SMURF1: variants seen among roughly 807,000 people sequenced by gnomAD.
SMURF1 encodes the protein E3 ubiquitin-protein ligase SMURF1.
Under a neutral mutation model 98.0 loss-of-function variants are expected in SMURF1, and 44 were observed. The observed-to-expected ratio is 0.45, with a 90% CI of 0.35 to 0.58. The LOEUF (loss-of-function observed/expected upper bound fraction) is 0.58. Among genes scored for constraint, SMURF1 ranks in the 20% least tolerant of loss-of-function variants. The pLI, the probability that SMURF1 is intolerant of heterozygous loss-of-function variation, is 0.00. For synonymous variants in SMURF1, 396 were observed against 374.9 expected (o/e 1.06, Z -0.65); for missense variants, 687 against 938.4 (o/e 0.73, Z 3.50).
Position 99,093,667 on chromosome 7 carries a change from T to A in SMURF1, c.56-31830A>T, listed in dbSNP as rs1419581606. The stretch of plus-strand genomic sequence containing the variant: ...TAAGAATAGTTTATGACTACTTTCC[T>A]CCTTGTATAAAGAGTTTCTCTTTAA... On this transcript the variant is annotated intron_variant, in intron 1 of 17. Transcript: ENST00000361368. 3.3e-5 allele frequency among the ~76,000 whole-genome samples: 5 copies of A among 152,114 alleles called. No individual in the cohort carries two copies. In the East Asian group the frequency reaches 9.6e-4, roughly 29 times the overall value.
intron 9 of SMURF1, 38 bp from the exon 10 acceptor site, chr7:99,047,920 C>A: frequency 1.2e-6 from 2 of 1,602,972 alleles, no homozygotes; most frequent in Non-Finnish European, 1.7e-6. Flanking sequence ...CTCCGAAGCC[C>A]CGGCCAGGGG....
chr7:99,091,454 G>A (rs779194964), intron 1 of SMURF1, among the ~76,000 whole-genome samples: 3 of 152,086 alleles, frequency 2.0e-5, no homozygotes, highest in Non-Finnish European at 2.9e-5. Context: ...TCTCTCTCAG[G>A]GTCTGGGCAT....
intron 1 of SMURF1, among the ~76,000 whole-genome samples, chr7:99,089,340 T>A (rs1218040355): frequency 6.6e-6 from 1 of 151,736 alleles, no homozygotes; most frequent in African/African-American, 2.4e-5. Context: ...ACAGTTTTTT[T>A]ATTTTAAAAA....
chr7:99,088,984 T>A (rs566652119), intron 1 of SMURF1, among the ~76,000 whole-genome samples: 26 of 152,200 alleles, frequency 1.7e-4, no homozygotes, highest in African/African-American at 5.8e-4. Flanking sequence ...GGCGGGCAGA[T>A]CACAAGGTCA....
chr7:99,139,705 T>G (rs2150656642), intron 1 of SMURF1, among the ~76,000 whole-genome samples: 1 of 152,348 alleles, frequency 6.6e-6, no homozygotes, highest in East Asian at 1.9e-4. Context: ...CACTTGATTC[T>G]GGATATATTA....
Position 99,060,591 on chromosome 7 carries a change from C to G in SMURF1, c.203+8G>C. 6.2e-7 allele frequency: 1 copy of G among 1,607,026 alleles called. No individual in the cohort carries two copies. The highest frequency in any genetic ancestry group is 8.5e-7 in the Non-Finnish European group (1 of 1,174,834). On this transcript the variant is annotated splice_region_variant and intron_variant, in intron 3 of 17. Transcript: ENST00000361368. ...CTCCGCATGGGGCTTACAGAACATTCAACTCACAGATCATAGTGCTGGTTC... is the reference window on the plus strand; with the variant it reads ...CTCCGCATGGGGCTTACAGAACATTGAACTCACAGATCATAGTGCTGGTTC...
chr7:99,094,047 C>T (rs574391306), intron 1 of SMURF1, among the ~76,000 whole-genome samples: 24 of 152,090 alleles, frequency 1.6e-4, no homozygotes, highest in African/African-American at 5.3e-4. Flanking sequence ...TGTGTGTGTG[C>T]GTGATGTGTG....
intron 15 of SMURF1, 48 bp downstream of exon 15, chr7:99,037,019 G>A (rs917172330): frequency 3.1e-6 from 5 of 1,611,236 alleles, no homozygotes; most frequent in South Asian, 1.1e-5. Context: ...ACAGGCAGAC[G>A]CCAGCCACAG....
At chr7:99,059,313 G>T (rs994917549) in intron 3 of SMURF1, among the ~76,000 whole-genome samples, 3 of 146,318 alleles carry the variant, frequency 2.1e-5, no homozygotes, top group African/African-American at 7.5e-5. Context: ...CAGGAGAATG[G>T]CGTGAACCCG....
intron 1 of SMURF1, among the ~76,000 whole-genome samples, chr7:99,085,438 G>A (rs1293388212): frequency 1.3e-5 from 2 of 151,664 alleles, no homozygotes; most frequent in Admixed American, 1.3e-4. Flanking sequence ...CATGCTTCCT[G>A]TACAGCCTGT....
At position 99,054,775 on chromosome 7, in the gene SMURF1, T is replaced by C; in HGVS notation, c.479+15A>G. ...GCAGAGAACTCAGCCCGCCTCTTGC[T>C]GTGGTTATACGTACCCTTCATTTTC... On this transcript the variant is annotated intron_variant, in intron 6 of 17. Coordinates refer to ENST00000361368, the MANE Select transcript of SMURF1 (RefSeq NM_181349.3). 6.2e-7 allele frequency: 1 copy of C among 1,613,518 alleles called. No individual in the cohort carries two copies.
At chr7:99,113,868 A>G (rs1417393212) in intron 1 of SMURF1, among the ~76,000 whole-genome samples, 1 of 148,864 alleles carries the variant, frequency 6.7e-6, no homozygotes, top group East Asian at 2.0e-4. Context: ...AAAAAAAAGA[A>G]CATTAGACAG....
At chr7:99,095,444 G>A (rs1275486764) in intron 1 of SMURF1, among the ~76,000 whole-genome samples, 1 of 152,164 alleles carries the variant, frequency 6.6e-6, no homozygotes, top group Non-Finnish European at 1.5e-5. Flanking sequence ...GCCTGCTTGG[G>A]TGGTCCAGAT....
chr7:99,134,463 A>T, intron 1 of SMURF1, among the ~76,000 whole-genome samples: 1 of 152,194 alleles, frequency 6.6e-6, no homozygotes, highest in Non-Finnish European at 1.5e-5. Context: ...ATTTGTAGGT[A>T]ATATATGTAG....
At chr7:99,042,495 G>A (rs1289892827) in intron 11 of SMURF1, among the ~76,000 whole-genome samples, 3 of 152,172 alleles carry the variant, frequency 2.0e-5, no homozygotes, top group South Asian at 2.1e-4. Flanking sequence ...GGGTGGCCTC[G>A]AACTCCTGAC....
At chr7:99,109,862 T>C (rs1797281871) in intron 1 of SMURF1, among the ~76,000 whole-genome samples, 1 of 152,234 alleles carries the variant, frequency 6.6e-6, no homozygotes, top group Admixed American at 6.5e-5. Context: ...CAAAAGCTAA[T>C]ATCTCGCTTC....
chr7:99,036,053 AACGGC>A, intron 15 of SMURF1: 1 of 354,572 alleles, frequency 2.8e-6, no homozygotes, highest in Non-Finnish European at 5.4e-6. Context: ...AACCATGAAT[AACGGC>A]ACGTCCCAGG....
At chr7:99,109,997 T>G (rs1374446015) in intron 1 of SMURF1, among the ~76,000 whole-genome samples, 4 of 152,238 alleles carry the variant, frequency 2.6e-5, no homozygotes, top group African/African-American at 9.6e-5. Flanking sequence ...TGGGATGCAC[T>G]AATGACTCAA....
At chr7:99,034,022 G>C (rs949858547) in intron 16 of SMURF1, among the ~76,000 whole-genome samples, 58 of 152,338 alleles carry the variant, frequency 3.8e-4, no homozygotes, top group Admixed American at 3.6e-3. Context: ...GGAGCAATGA[G>C]GACCAGCAGA....
Sources: gnomAD v4.1 joint callset for allele counts (sites outside exome capture counted in the v4.1 genomes callset) on GRCh38, gnomAD v4.1.1 for gene constraint, MANE v1.5 for transcripts, NCBI Gene and HGNC (gene_info 2026-07-23, HGNC 2026-07-21) for gene names.